The following GRAP2 variants were observed in gnomAD, a reference collection of about 807,000 sequenced individuals.
GRAP2 encodes GRB2-related adapter protein 2.
In GRAP2, 31 loss-of-function variants were observed where a neutral mutation model predicts 43.5. The ratio of observed to expected loss-of-function variants is 0.71; its 90% CI spans 0.54 to 0.96. The LOEUF is 0.96. Among genes scored for constraint, GRAP2 ranks in the 40% least tolerant of loss-of-function variants. The pLI is 0.00. For synonymous variants in GRAP2, 156 were observed against 164.8 expected, an observed-to-expected ratio of 0.95 and a Z score of 0.41; for missense variants, 371 against 424.4, an observed-to-expected ratio of 0.87 and a Z score of 1.11.
Position 39,915,642 on chromosome 22 carries a change from C to G in GRAP2, c.-15+14312C>G, listed in dbSNP as rs200297412. Among the ~76,000 whole-genome samples the G allele has an allele frequency of 3.1e-3, 467 of 152,290 alleles. 1 individual carries two copies. Among genetic ancestry groups the G allele is most frequent in the African/African-American group, 0.011 (446 of 41,554 alleles). ...TGGCAGTTTCTATAAGCAGAAGTTA[C>G]TTTCAAAGGAAAGAACTTGTGGAGA... is the stretch of plus-strand genomic sequence containing the variant. On this transcript the variant is annotated intron_variant, in intron 1 of 7. Transcript: ENST00000344138.
At chr22:39,954,146 G>A (rs987644700) in intron 2 of GRAP2, among the ~76,000 whole-genome samples, 48 of 152,162 alleles carry the variant, frequency 3.2e-4, no homozygotes, top group African/African-American at 1.2e-3. Context: ...ACATATGGAT[G>A]CCTTTTCTAT....
intron 4 of GRAP2, chr22:39,964,026 C>A (rs953825968): frequency 1.1e-5 from 2 of 189,336 alleles, no homozygotes; most frequent in Non-Finnish European, 1.1e-5. Flanking sequence ...AAAAAGAAAC[C>A]TCCACTTACT....
chr22:39,953,195 T>G (rs1260011612), intron 2 of GRAP2, among the ~76,000 whole-genome samples: 1 of 152,090 alleles, frequency 6.6e-6, no homozygotes, highest in Admixed American at 6.6e-5. Context: ...AACCTTAGCC[T>G]CTCTCCTGGG....
At chr22:39,957,557 C>G (rs2067070214) in intron 3 of GRAP2, among the ~76,000 whole-genome samples, 1 of 152,212 alleles carries the variant, frequency 6.6e-6, no homozygotes, top group Non-Finnish European at 1.5e-5. Flanking sequence ...CCTCCTTTCC[C>G]TCTCTGCTGG....
upstream of GRAP2, among the ~76,000 whole-genome samples, chr22:39,898,978 C>G (rs945307732): frequency 6.6e-6 from 1 of 152,226 alleles, no homozygotes; most frequent in Non-Finnish European, 1.5e-5. Flanking sequence ...GTATCCTCCT[C>G]ATCTTGCTGC....
chr22:39,897,136 G>A (rs557513953), upstream of GRAP2, among the ~76,000 whole-genome samples: 14 of 152,002 alleles, frequency 9.2e-5, no homozygotes, highest in Non-Finnish European at 1.8e-4. Flanking sequence ...CTCCAAACTC[G>A]TGTATCTAAC....
chr22:39,897,246 C>T (rs1452998113), upstream of GRAP2, among the ~76,000 whole-genome samples: 2 of 152,098 alleles, frequency 1.3e-5, no homozygotes, highest in Admixed American at 1.3e-4. Context: ...GTTCTCAGGC[C>T]ATGAACCTGG....
intron 1 of GRAP2, among the ~76,000 whole-genome samples, chr22:39,913,057 G>T (rs183162803): frequency 6.6e-6 from 1 of 152,202 alleles, no homozygotes; most frequent in African/African-American, 2.4e-5. Flanking sequence ...GCTAGGCATG[G>T]TGGCGGGCGC....
intron 2 of GRAP2, among the ~76,000 whole-genome samples, chr22:39,954,928 C>T (rs937258097): frequency 3.0e-4 from 45 of 152,278 alleles, no homozygotes; most frequent in African/African-American, 1.1e-3. Flanking sequence ...AAAAGGCATC[C>T]CAAGTATCTT....
chr22:39,909,819 G>T (rs1200111889), intron 1 of GRAP2, among the ~76,000 whole-genome samples: 1 of 152,196 alleles, frequency 6.6e-6, no homozygotes, highest in Admixed American at 6.5e-5. Context: ...AGATGGTTTA[G>T]CAAGCAGGCA....
intron 1 of GRAP2, among the ~76,000 whole-genome samples, chr22:39,903,711 A>C (rs993938164): frequency 3.3e-5 from 5 of 152,192 alleles, no homozygotes; most frequent in African/African-American, 1.2e-4. Context: ...TCCTGAACTC[A>C]AGCGATTCGC....
rs1463148786 is a variant in GRAP2, at chr22:39,971,991, T to G, written c.*907T>G. On this transcript the variant is annotated 3_prime_UTR_variant, in exon 8 of 8. Transcript: ENST00000344138. The stretch of plus-strand genomic sequence containing the variant: ...CATTTTCCCTCTTGATTTTCTCTTT[T>G]GAAGATGCCTTGCCCAGTGGCATGG... The G allele has an allele frequency of 1.3e-5, 2 of 152,290 alleles. No homozygotes were observed. Among genetic ancestry groups the G allele is most frequent in the East Asian group, 3.8e-4 (2 of 5,198 alleles). 9.4% of individuals were successfully genotyped at this position (152,290 alleles called of 1,614,324 possible).
intron 1 of GRAP2, among the ~76,000 whole-genome samples, chr22:39,912,153 G>A (rs1436073452): frequency 6.6e-6 from 1 of 152,212 alleles, no homozygotes; most frequent in East Asian, 1.9e-4. Context: ...AGGCATGGTG[G>A]CTCACGCCTG....
intron 1 of GRAP2, among the ~76,000 whole-genome samples, chr22:39,915,592 G>C (rs950945385): frequency 6.6e-6 from 1 of 152,100 alleles, no homozygotes; most frequent in African/African-American, 2.4e-5. Context: ...ACTGCTATTG[G>C]AAATGTTTTT....
chr22:39,952,946 G>C (rs1412430183), intron 2 of GRAP2, among the ~76,000 whole-genome samples: 1 of 152,098 alleles, frequency 6.6e-6, no homozygotes, highest in Non-Finnish European at 1.5e-5. Context: ...TGATTGACTT[G>C]GCCAAGATCA....
intron 1 of GRAP2, among the ~76,000 whole-genome samples, chr22:39,921,031 A>G (rs530719005): frequency 5.3e-5 from 8 of 152,088 alleles, no homozygotes; most frequent in Admixed American, 5.2e-4. Flanking sequence ...TGCCCTGGCA[A>G]TGAAGAATCG....
rs749209183 is a variant in GRAP2, at chr22:39,966,082, T to C, written c.383T>C (p.Leu128Pro). 6.2e-7 allele frequency: 1 copy of C among 1,613,816 alleles called. No individual in the cohort carries two copies. Reference protein sequence around the residue: ...WTEKFPSLNKLVDYYRTNSIS... With the variant: ...WTEKFPSLNKPVDYYRTNSIS... ...GAGAAGTTTCCATCCCTAAATAAGC[T>C]GGTAGACTACTACAGGACAAATTCC... The change falls in exon 5 of 8, where the codon CTG becomes CCG. Residue 128 changes from leucine to proline, a missense_variant. Physicochemically the swap from Leu to Pro is moderately conservative, Grantham distance 98. Coordinates refer to ENST00000344138, the MANE Select transcript of GRAP2 (RefSeq NM_004810.4).
chr22:39,916,897 A>G (rs1445361066), intron 1 of GRAP2, among the ~76,000 whole-genome samples: 1 of 152,034 alleles, frequency 6.6e-6, no homozygotes, highest in Non-Finnish European at 1.5e-5. Flanking sequence ...CTTCTTTAAC[A>G]CTATTAGCCA....
At chr22:39,939,291 G>A (rs923373337) in intron 1 of GRAP2, among the ~76,000 whole-genome samples, 8 of 152,112 alleles carry the variant, frequency 5.3e-5, no homozygotes, top group East Asian at 1.9e-4. Flanking sequence ...GGCCTGGCGC[G>A]GTGGCTCGCG....
Sources: allele counts gnomAD v4.1 joint callset (sites outside exome capture counted in the v4.1 genomes callset), GRCh38; gene constraint gnomAD v4.1.1; transcripts MANE v1.5; gene names NCBI Gene and HGNC (gene_info 2026-07-23, HGNC 2026-07-21).